The following PTPRE variants were observed in gnomAD, a reference collection of about 807,000 sequenced individuals.
The protein encoded by PTPRE is receptor-type tyrosine-protein phosphatase epsilon.
In PTPRE, 51 loss-of-function variants were observed where a neutral mutation model predicts 102.0. The observed-to-expected ratio is 0.50, with a 90% CI of 0.40 to 0.63. The LOEUF (loss-of-function observed/expected upper bound fraction) is 0.63, where lower values mean the gene tolerates loss of function less well. Ranked by LOEUF, PTPRE falls within the 30% of genes least tolerant of loss-of-function variation. PTPRE has a pLI of 0.00. For missense variants in PTPRE, 752 were observed against 915.1 expected, an observed-to-expected ratio of 0.82 and a Z score of 2.30; for synonymous variants, 345 against 348.2, an observed-to-expected ratio of 0.99 and a Z score of 0.10.
At chr10:127,981,474 ATG>A (rs1851608350) in intron 1 of PTPRE, among the ~76,000 whole-genome samples, 1 of 151,910 alleles carries the variant, frequency 6.6e-6, no homozygotes, top group Non-Finnish European at 1.5e-5. Context: ...TATGAAAATT[ATG>A]TCTCAATAAA....
At chr10:127,975,469 T>C (rs1337428571) in intron 1 of PTPRE, among the ~76,000 whole-genome samples, 2 of 152,212 alleles carry the variant, frequency 1.3e-5, no homozygotes, top group African/African-American at 4.8e-5. Flanking sequence ...GAATATTGCT[T>C]TGCCCTGGCC....
At chr10:128,078,087 C>T (rs572919384) in intron 19 of PTPRE, among the ~76,000 whole-genome samples, 6 of 152,336 alleles carry the variant, frequency 3.9e-5, no homozygotes, top group Non-Finnish European at 7.3e-5. Flanking sequence ...CAAAAAATTG[C>T]CAGGCAGGGC....
chr10:128,048,628 C>T (rs1848294219), intron 5 of PTPRE, among the ~76,000 whole-genome samples: 1 of 152,204 alleles, frequency 6.6e-6, no homozygotes, highest in Non-Finnish European at 1.5e-5. Flanking sequence ...GATAATGTGG[C>T]ACCAGGTGCT....
At chr10:128,063,276 C>T in intron 10 of PTPRE, 96 bp downstream of exon 10, 1 of 1,527,164 alleles carries the variant, frequency 6.5e-7, no homozygotes, top group South Asian at 1.2e-5. Flanking sequence ...ACTTCCCTCC[C>T]TTCCTCCCAC....
At chr10:128,021,147 G>A (rs1564891785) in intron 2 of PTPRE, among the ~76,000 whole-genome samples, 1 of 152,126 alleles carries the variant, frequency 6.6e-6, no homozygotes, top group Non-Finnish European at 1.5e-5. Flanking sequence ...CACCTGCCTT[G>A]GCCTCCCAAA....
At chr10:128,048,589 C>A (rs188477897) in intron 5 of PTPRE, among the ~76,000 whole-genome samples, 1 of 152,186 alleles carries the variant, frequency 6.6e-6, no homozygotes, top group Non-Finnish European at 1.5e-5. Context: ...AGCCTCCCAG[C>A]GCTCGCGGGA....
chr10:127,920,557 A>G lies in PTPRE; in HGVS notation c.-31+13248A>G, dbSNP rs569180733. On this transcript the variant is annotated intron_variant, in intron 1 of 20. Transcript: ENST00000254667. ...CCAGATTGCATTTATGGGTAAGTCT[A>G]CTAGAGGCACTGTACCCGAGCCTGG... 1.4e-4 allele frequency among the ~76,000 whole-genome samples: 21 copies of G among 152,276 alleles called. No homozygotes were observed. The South Asian group carries it at 4.1e-3, about 30-fold the overall frequency.
At chr10:127,983,939 G>A (rs562892448) in intron 2 of PTPRE, among the ~76,000 whole-genome samples, 57 of 152,216 alleles carry the variant, frequency 3.7e-4, no homozygotes, top group African/African-American at 1.1e-3. Context: ...TGCCCCACCC[G>A]AAGGTCACTG....
intron 2 of PTPRE, among the ~76,000 whole-genome samples, chr10:128,002,131 G>A (rs1003967351): frequency 2.6e-5 from 4 of 152,182 alleles, no homozygotes; most frequent in Non-Finnish European, 4.4e-5. Context: ...GGGCAGCCAC[G>A]GTCTCAGCCG....
At chr10:128,055,030 C>T (rs778310662) in intron 6 of PTPRE, among the ~76,000 whole-genome samples, 7 of 152,246 alleles carry the variant, frequency 4.6e-5, no homozygotes, top group African/African-American at 9.6e-5. Flanking sequence ...ACCCATAAAA[C>T]GGGGACCATC....
chr10:128,053,879 GCCT>G (rs1461294696), intron 6 of PTPRE, among the ~76,000 whole-genome samples: 1 of 152,138 alleles, frequency 6.6e-6, no homozygotes, highest in Non-Finnish European at 1.5e-5. Context: ...TACTGCCTCA[GCCT>G]CCCAAGTAGC....
Position 128,047,464 on chromosome 10 carries a change from C to G in PTPRE, c.184C>G (p.Leu62Val). The change falls in exon 4 of 21, where the codon CTC becomes GTC. Residue 62 changes from leucine to valine, a missense_variant. Transcript: ENST00000254667. ...GCCGCTGCTGCTCCTCCTCCTCGTG[C>G]TCCTTCTCGCCGCCTACTTCTTCAG... ...LLPLLLLLLV[L>V]LLAAYFFRFR... 6.2e-7 allele frequency: 1 copy of G among 1,613,454 alleles called. No individual in the cohort carries two copies. The highest frequency in any genetic ancestry group is 8.5e-7 in the Non-Finnish European group (1 of 1,180,032).
At position 128,028,514 on chromosome 10, in the gene PTPRE, C is replaced by A. The variant is rs1375287111; in HGVS notation, c.-7-12361C>A. On this transcript the variant is annotated intron_variant, in intron 2 of 20. Coordinates refer to ENST00000254667, the MANE Select transcript of PTPRE (RefSeq NM_006504.6). This position sits in a 1 kb window ranked among gnomAD's most constrained non-coding sequence, Gnocchi z 4.5. ...GGCAAAGGTGAGATGGTACACAGCA[C>A]ACCTGGCCCTGGCTCAGCCCCCCAA... Among the ~76,000 whole-genome samples, 5 of 152,200 alleles carry A rather than the reference C, an allele frequency of 3.3e-5. No homozygotes were observed. The highest frequency in any genetic ancestry group is 1.2e-4 in the African/African-American group (5 of 41,458).
chr10:128,073,734 A>G (rs2136045586), intron 17 of PTPRE, among the ~76,000 whole-genome samples: 1 of 152,312 alleles, frequency 6.6e-6, no homozygotes, highest in African/African-American at 2.4e-5. Context: ...AAATTCTGCC[A>G]TTTGGTATTG....
At chr10:128,014,231 C>T (rs1415615636) in intron 2 of PTPRE, among the ~76,000 whole-genome samples, 2 of 152,194 alleles carry the variant, frequency 1.3e-5, no homozygotes, top group African/African-American at 4.8e-5. Flanking sequence ...CCCCTCACAG[C>T]TGGGGTGTCC....
chr10:127,942,512 C>T (rs117042818), intron 1 of PTPRE, among the ~76,000 whole-genome samples: 7,197 of 152,310 alleles, frequency 0.047, 259 homozygotes, highest in Middle Eastern at 0.078. Flanking sequence ...AAAATGTGGT[C>T]ATACATGCAA....
intron 1 of PTPRE, among the ~76,000 whole-genome samples, chr10:127,953,475 C>T (rs1014497629): frequency 6.6e-6 from 1 of 152,202 alleles, no homozygotes; most frequent in African/African-American, 2.4e-5. Flanking sequence ...TCATCATGAA[C>T]TGGGTGTGAT....
chr10:128,060,627 T>A (rs1418068855), intron 7 of PTPRE, among the ~76,000 whole-genome samples: 1 of 152,206 alleles, frequency 6.6e-6, no homozygotes, highest in Non-Finnish European at 1.5e-5. Flanking sequence ...GCCTGGCACA[T>A]TCTGCTATTC....
intron 19 of PTPRE, among the ~76,000 whole-genome samples, chr10:128,078,898 C>T (rs1188573430): frequency 1.3e-5 from 2 of 152,168 alleles, no homozygotes; most frequent in Admixed American, 6.5e-5. Flanking sequence ...CAGGCATCTC[C>T]AGAAGACCTG....
Sources: allele counts gnomAD v4.1 joint callset (sites outside exome capture counted in the v4.1 genomes callset), GRCh38; gene constraint gnomAD v4.1.1; non-coding constraint Gnocchi (gnomAD v3.1); transcripts MANE v1.5; gene names NCBI Gene and HGNC (gene_info 2026-07-23, HGNC 2026-07-21).